The following FANCM variants were observed in gnomAD, a reference collection of about 807,000 sequenced individuals.
The protein encoded by FANCM is FA complementation group M.
FANCM carries 140 observed loss-of-function variants against 199.5 expected under a neutral mutation model. That is an observed-to-expected ratio of 0.70 (90% CI 0.61 to 0.81). The LOEUF (loss-of-function observed/expected upper bound fraction) is 0.81. Ranked by LOEUF, FANCM falls within the 30% of genes least tolerant of loss-of-function variation. The pLI, the probability that FANCM is intolerant of heterozygous loss-of-function variation, is 0.00. For synonymous variants in FANCM, 840 were observed against 836.8 expected, an observed-to-expected ratio of 1.00 and a Z score of -0.07; for missense variants, 2,410 against 2,421.4, an observed-to-expected ratio of 1.00 and a Z score of 0.10.
chr14:45,149,815 C>T (rs568479705), intron 4 of FANCM, among the ~76,000 whole-genome samples: 2 of 151,802 alleles, frequency 1.3e-5, no homozygotes, highest in Non-Finnish European at 2.9e-5. Context: ...ACAACAACAA[C>T]AACAACAACA....
chr14:45,189,044 TGAG>T lies in FANCM; in HGVS notation c.5029_5031del (p.Glu1677del), dbSNP rs750497256. 2.9e-5 allele frequency: 47 copies of T among 1,613,798 alleles called. No individual in the cohort carries two copies. Among genetic ancestry groups the T allele is most frequent in the Non-Finnish European group, 3.4e-5 (40 of 1,179,840 alleles). Reference sequence around the variant, plus strand: ...GAATTATTTTACCAGATGATTCAAGTGAGGAGGAGAACAATGTAAATGATAAAA... The same window carrying T: ...GAATTATTTTACCAGATGATTCAAGTGAGGAGAACAATGTAAATGATAAAA... On this transcript the variant is annotated inframe_deletion, in exon 20 of 23. Coordinates refer to ENST00000267430, the MANE Select transcript of FANCM (RefSeq NM_020937.4).
intron 5 of FANCM, among the ~76,000 whole-genome samples, chr14:45,153,081 T>C (rs1886936223): frequency 1.3e-5 from 2 of 152,140 alleles, no homozygotes; most frequent in Admixed American, 6.5e-5. Context: ...TAGAAAACAG[T>C]AGTCTTCATC....
At position 45,170,686 on chromosome 14, in the gene FANCM, T is replaced by C. The variant is rs1594792042; in HGVS notation, c.2100T>C (p.Ile700=). ...ATAGATTAAGGGACAGTGATGAAAT[T>C]AAAGAGATAACATTGCCTCAAGTTC... ...RLYRLRDSDE[I]KEITLPQVQF... The change falls in exon 12 of 23, where the codon ATT becomes ATC. Residue 700 remains isoleucine (I), a synonymous_variant. Coordinates refer to ENST00000267430, the MANE Select transcript of FANCM (RefSeq NM_020937.4). 1 of 1,609,508 alleles carries C rather than the reference T, an allele frequency of 6.2e-7. No individual in the cohort carries two copies. The highest frequency in any genetic ancestry group is 8.5e-7 in the Non-Finnish European group (1 of 1,175,858).
chr14:45,173,356 CT>C, intron 13 of FANCM, 146 bp downstream of exon 13: 4 of 717,466 alleles, frequency 5.6e-6, no homozygotes, highest in Non-Finnish European at 7.3e-6. Flanking sequence ...AGTTTTCTGC[CT>C]TAAGAGAAGA....
intron 9 of FANCM, among the ~76,000 whole-genome samples, chr14:45,160,008 T>TG (rs1176244732): frequency 8.6e-5 from 13 of 150,354 alleles, no homozygotes; most frequent in African/African-American, 2.7e-4. Context: ...TTTTGTTTTT[T>TG]TTTTTTTTTT....
chr14:45,179,565 T>C lies in FANCM; in HGVS notation c.4223-1865T>C, dbSNP rs543865301. On this transcript the variant is annotated intron_variant, in intron 14 of 22. Coordinates refer to ENST00000267430, the MANE Select transcript of FANCM (RefSeq NM_020937.4). ...GGTACATCATTTTCTTTCTTTCTTTTTTTTTTTTTTTTTTTTGAGACAGTC... is the reference window on the plus strand; with the variant it reads ...GGTACATCATTTTCTTTCTTTCTTTCTTTTTTTTTTTTTTTTGAGACAGTC... Among the ~76,000 whole-genome samples, 1,031 of 133,752 alleles carry C rather than the reference T, an allele frequency of 7.7e-3. 3 individuals carry two copies. The highest frequency in any genetic ancestry group is 0.012 in the Non-Finnish European group (779 of 63,352). The allele number at this position is 133,752 out of a possible 152,430, so 87.7% of individuals were successfully genotyped here.
chr14:45,159,613 G>A (rs1471752282), intron 9 of FANCM, among the ~76,000 whole-genome samples: 2 of 152,214 alleles, frequency 1.3e-5, no homozygotes, highest in East Asian at 1.9e-4. Flanking sequence ...ACATCATAGA[G>A]TTGTTGTAAG....
At position 45,199,981 on chromosome 14, in the gene FANCM, C is replaced by A. The variant is rs1401250020; in HGVS notation, c.6120C>A (p.Asn2040Lys). 1 of 1,608,812 alleles carries A rather than the reference C, an allele frequency of 6.2e-7. No individual in the cohort carries two copies. Among genetic ancestry groups the A allele is most frequent in the Admixed American group, 1.7e-5 (1 of 59,968 alleles). The change falls in exon 23 of 23, where the codon AAC (asparagine) becomes AAA (lysine). Residue 2040 changes from asparagine (N) to lysine (K), a missense_variant. Asn to Lys is a moderately conservative substitution (Grantham distance 94). Transcript: ENST00000267430. The part of the protein sequence containing the change: ...FDIQMLPNDL[N>K]QDRLKSDI ...TACAAATGTTACCAAATGATCTTAA[C>A]CAAGATAGACTGAAATCTGATATAT...
chr14:45,144,304 T>TC (rs147372341), intron 3 of FANCM, among the ~76,000 whole-genome samples: 2,585 of 149,542 alleles, frequency 0.017, 101 homozygotes, highest in African/African-American at 0.06. Context: ...TAATGTAGTG[T>TC]CCCCTCCACC....
chr14:45,175,206 A>G lies in FANCM; in HGVS notation c.2452A>G (p.Ile818Val), dbSNP rs199948045. 117 of 1,612,292 alleles carry G rather than the reference A, an allele frequency of 7.3e-5. 1 individual carries two copies. Among genetic ancestry groups the G allele is most frequent in the Middle Eastern group, 6.6e-4 (4 of 6,050 alleles). Residue 818 changes from isoleucine to valine, a missense_variant, in exon 14 of 23, where the codon ATA becomes GTA. Coordinates refer to ENST00000267430, the MANE Select transcript of FANCM (RefSeq NM_020937.4). The stretch of plus-strand genomic sequence containing the variant: ...TATCACTCACAAGAAATCGTCATTT[A>G]TAAAGAACATAAATCAAGGCAGTTC... ...TFITHKKSSF[I>V]KNINQGSSSS...
chr14:45,167,115 C>G lies in FANCM; in HGVS notation c.1954C>G (p.Pro652Ala), dbSNP rs945079138. The change falls in exon 11 of 23, where the codon CCT becomes GCT. Residue 652 changes from proline (P) to alanine (A), a missense_variant. Transcript: ENST00000267430. ...ITHGVYEPEK[P>A]SRNLQRKSSI... ...ACATGGTGTCTATGAACCAGAGAAG[C>G]CTTCTCGGAACTTGCAGCGAAAGTC... 10 of 1,613,808 alleles carry G rather than the reference C, an allele frequency of 6.2e-6. No homozygotes were observed. Among genetic ancestry groups the G allele is most frequent in the African/African-American group, 2.7e-5 (2 of 74,994 alleles).
intron 5 of FANCM, among the ~76,000 whole-genome samples, chr14:45,152,167 T>C (rs377589192): frequency 6.6e-6 from 1 of 151,914 alleles, no homozygotes; most frequent in South Asian, 2.1e-4. Flanking sequence ...TAGCTGGGAC[T>C]ACAGGCACGC....
In FANCM at chr14:45,200,453, G is replaced by C. The variant is rs1890298687; in HGVS notation, c.*445G>C. On this transcript the variant is annotated 3_prime_UTR_variant, in exon 23 of 23. Transcript: ENST00000267430. ...AAATACATGTACTTGGTAAGGTGTG[G>C]GTGATGGGTGGGTTGTGAGATAAAT... 1 of 153,574 alleles carries C rather than the reference G, an allele frequency of 6.5e-6. No individual in the cohort carries two copies. Among genetic ancestry groups the C allele is most frequent in the Non-Finnish European group, 1.4e-5 (1 of 69,218 alleles). The allele number at this position is 153,574 out of a possible 1,614,324, so 9.5% of individuals were successfully genotyped here.
intron 16 of FANCM, among the ~76,000 whole-genome samples, chr14:45,182,836 G>A (rs1221461951): frequency 6.6e-6 from 1 of 152,104 alleles, no homozygotes; most frequent in East Asian, 1.9e-4. Flanking sequence ...TCACAGCTTA[G>A]CCTAGCCTAC....
At chr14:45,199,060 A>AT (rs896916375) in intron 22 of FANCM, 125 bp downstream of exon 22, 6 of 720,934 alleles carry the variant, frequency 8.3e-6, no homozygotes, top group East Asian at 2.7e-5. Flanking sequence ...TTCAGTAAAC[A>AT]TTTTTTGCCT....
rs1889320501 is a variant in FANCM at position 45,185,217 on chromosome 14, C to G, written c.4516C>G (p.His1506Asp). The G allele has an allele frequency of 8.9e-6, 14 of 1,574,094 alleles. No homozygotes were observed. Among genetic ancestry groups the G allele is most frequent in the Non-Finnish European group, 1.1e-5 (13 of 1,147,812 alleles). ...ATGTTTTCTAATTTGTCTTACTTAG[C>G]ATGTAGCTAGGAAGTTTTTAGATGA... ...KVPKRQSHLK[H>D]VARKFLDDEA... The change falls in exon 18 of 23, where the codon CAT (histidine) becomes GAT (aspartate). Residue 1506 changes from histidine to aspartate, a missense_variant and splice_region_variant. Coordinates refer to ENST00000267430, the MANE Select transcript of FANCM (RefSeq NM_020937.4).
At chr14:45,190,849 A>T (rs935315866) in intron 20 of FANCM, among the ~76,000 whole-genome samples, 2 of 152,144 alleles carry the variant, frequency 1.3e-5, no homozygotes, top group East Asian at 3.9e-4. Flanking sequence ...CAATATCCTC[A>T]TCTATAGTAT....
intron 12 of FANCM, among the ~76,000 whole-genome samples, chr14:45,171,691 T>TTGTG (rs3036344): frequency 3.3e-4 from 49 of 146,532 alleles, no homozygotes; most frequent in Non-Finnish European, 4.5e-4. Flanking sequence ...GTAGTCCATG[T>TTGTG]TGTGTGTGTG....
intron 3 of FANCM, among the ~76,000 whole-genome samples, chr14:45,145,756 C>T (rs542631271): frequency 3.0e-4 from 46 of 151,574 alleles, no homozygotes; most frequent in South Asian, 6.2e-4. Context: ...AACCCCGTCT[C>T]TACTAAAAAA....
Sources: gnomAD v4.1 joint callset for allele counts (sites outside exome capture counted in the v4.1 genomes callset) on GRCh38, gnomAD v4.1.1 for gene constraint, MANE v1.5 for transcripts, NCBI Gene and HGNC (gene_info 2026-07-23, HGNC 2026-07-21) for gene names.